The following NME7 variants were observed in gnomAD, a reference collection of about 807,000 sequenced individuals.
NME7 encodes the protein NME/NM23 family member 7.
In NME7, 41 loss-of-function variants were observed where a neutral mutation model predicts 49.1. The ratio of observed to expected loss-of-function variants is 0.83; its 90% CI spans 0.65 to 1.08. The LOEUF (loss-of-function observed/expected upper bound fraction) is 1.08, where lower values mean the gene tolerates loss of function less well. Ranked by LOEUF, NME7 falls within the 50% of genes least tolerant of loss-of-function variation. The probability of loss-of-function intolerance (pLI) is 0.00; values close to 1 mark genes in which losing one functional copy is unlikely to be tolerated. For missense variants in NME7, 423 were observed against 463.4 expected, an observed-to-expected ratio of 0.91 and a Z score of 0.80; for synonymous variants, 139 against 150.6, an observed-to-expected ratio of 0.92 and a Z score of 0.56.
At chr1:169,198,834 G>A (rs184645602) in intron 10 of NME7, among the ~76,000 whole-genome samples, 9 of 152,136 alleles carry the variant, frequency 5.9e-5, no homozygotes, top group Middle Eastern at 6.8e-3. Context: ...GAATCATATT[G>A]GTATGTGAAT....
chr1:169,256,849 G>T (rs1402664297), intron 7 of NME7, among the ~76,000 whole-genome samples: 1 of 132,584 alleles, frequency 7.5e-6, no homozygotes, highest in African/African-American at 2.5e-5. Context: ...TGCTCTTGCT[G>T]GGGGGTGCCT....
Position 169,264,172 on chromosome 1 carries a change from A to G in NME7, c.754+23131T>C, listed in dbSNP as rs950655646. On this transcript the variant is annotated intron_variant, in intron 7 of 11. Coordinates refer to ENST00000367811, the MANE Select transcript of NME7 (RefSeq NM_013330.5). Reference sequence around the variant, plus strand: ...CTTAAGTACACAGACAAGTGATACTATGAAGCAACCACACAAAGAAGTCTG... The same window carrying G: ...CTTAAGTACACAGACAAGTGATACTGTGAAGCAACCACACAAAGAAGTCTG... Among the ~76,000 whole-genome samples the G allele has an allele frequency of 6.7e-5, 9 of 134,296 alleles. 2 individuals carry two copies. The highest frequency in any genetic ancestry group is 1.1e-4 in the Non-Finnish European group (6 of 57,130). The allele number at this position is 134,296 out of a possible 152,430, so 88.1% of individuals were successfully genotyped here.
intron 1 of NME7, among the ~76,000 whole-genome samples, chr1:169,355,174 A>AAT (rs1360030129): frequency 2.5e-4 from 10 of 39,916 alleles, no homozygotes; most frequent in African/African-American, 8.3e-4. Flanking sequence ...TATAATATAT[A>AAT]ATATACTATA....
chr1:169,338,275 T>C (rs1652556570), intron 1 of NME7, among the ~76,000 whole-genome samples: 1 of 152,244 alleles, frequency 6.6e-6, no homozygotes, highest in South Asian at 2.1e-4. Context: ...TTTTTTAATG[T>C]TACTTCAAGA....
rs981279583 is a variant in NME7, at chr1:169,324,496, T to C, written c.8A>G (p.His3Arg). The part of the protein sequence containing the change: MN[H>R]SERFVFIAEW... ...TGCAATGAAAACGAATCTTTCACTA[T>C]GATTCTGCAAAGAAAGACAGAAGAA... The change falls in exon 2 of 12, where the codon CAT becomes CGT. Residue 3 changes from histidine (H) to arginine (R), a missense_variant. Physicochemically the swap from His to Arg is conservative, Grantham distance 29. Transcript: ENST00000367811. 1.7e-5 allele frequency: 27 copies of C among 1,591,144 alleles called. No individual in the cohort carries two copies. The highest frequency in any genetic ancestry group is 3.3e-4 in the Middle Eastern group (2 of 6,054).
chr1:169,308,196 G>C (rs969115205), intron 4 of NME7, among the ~76,000 whole-genome samples: 2 of 152,030 alleles, frequency 1.3e-5, no homozygotes, highest in Non-Finnish European at 2.9e-5. Flanking sequence ...CATACATAAG[G>C]GAAAAATTCC....
chr1:169,264,041 G>A (rs1365915763), intron 7 of NME7, among the ~76,000 whole-genome samples: 1 of 133,350 alleles, frequency 7.5e-6, no homozygotes, highest in Admixed American at 7.4e-5. Flanking sequence ...TTTCAGACAA[G>A]AAAATGCTGA....
intron 1 of NME7, among the ~76,000 whole-genome samples, chr1:169,361,431 C>G (rs995527407): frequency 6.6e-6 from 1 of 152,174 alleles, no homozygotes; most frequent in Non-Finnish European, 1.5e-5. Context: ...ATCTTTGGAA[C>G]TGCAATTCTT....
intron 10 of NME7, among the ~76,000 whole-genome samples, chr1:169,182,227 G>C (rs1659951624): frequency 6.6e-6 from 1 of 150,560 alleles, no homozygotes; most frequent in African/African-American, 2.4e-5. Flanking sequence ...TATTAACCAG[G>C]CTAGTCTTGA....
At chr1:169,307,275 G>T (rs1651206881) in intron 4 of NME7, among the ~76,000 whole-genome samples, 1 of 152,158 alleles carries the variant, frequency 6.6e-6, no homozygotes, top group African/African-American at 2.4e-5. Context: ...TGCGGGCAAA[G>T]ATACACTCTG....
chr1:169,224,769 C>T (rs1204346703), intron 10 of NME7, among the ~76,000 whole-genome samples: 2 of 152,012 alleles, frequency 1.3e-5, no homozygotes, highest in Non-Finnish European at 2.9e-5. Context: ...TTTCCACATT[C>T]GAGGTACTCT....
At position 169,354,979 on chromosome 1, in the gene NME7, ATGTTT is replaced by A. The variant is rs1653340312; in HGVS notation, c.3+12724_3+12728del. Among the ~76,000 whole-genome samples the A allele has an allele frequency of 2.0e-4, 11 of 55,112 alleles. 3 individuals are homozygous for A. The highest frequency in any genetic ancestry group is 3.4e-4 in the Admixed American group (1 of 2,954). The allele number at this position is 55,112 out of a possible 152,430, so 36.2% of individuals were successfully genotyped here. ...ATGTTTATATATAATATAATTATAT[ATGTTT>A]ATATATAATATAATTATATATGTTT... is the stretch of plus-strand genomic sequence containing the variant. On this transcript the variant is annotated intron_variant, in intron 1 of 11. Coordinates refer to ENST00000367811, the MANE Select transcript of NME7 (RefSeq NM_013330.5).
intron 7 of NME7, among the ~76,000 whole-genome samples, chr1:169,255,530 G>A (rs1648889697): frequency 8.0e-6 from 1 of 125,542 alleles, no homozygotes; most frequent in Non-Finnish European, 1.7e-5. Flanking sequence ...TTGCCAGTCT[G>A]TGTCTTTTAA....
intron 4 of NME7, among the ~76,000 whole-genome samples, chr1:169,309,609 G>A (rs991068023): frequency 7.2e-5 from 11 of 152,122 alleles, no homozygotes; most frequent in African/African-American, 2.7e-4. Context: ...TCCTTTATTA[G>A]AGAAATCCTT....
chr1:169,281,034 A>C (rs1213858666), intron 7 of NME7, among the ~76,000 whole-genome samples: 1 of 152,058 alleles, frequency 6.6e-6, no homozygotes, highest in Non-Finnish European at 1.5e-5. Flanking sequence ...TGAATCTATA[A>C]ATTACTTTCA....
At chr1:169,342,819 TATATATATATACAAGTACATATATATATA>T (rs1652797195) in intron 1 of NME7, among the ~76,000 whole-genome samples, 2 of 69,832 alleles carry the variant, frequency 2.9e-5, no homozygotes, top group Admixed American at 2.1e-4. Context: ...ATATATATAG[TATATATATATACAAGTACATATATATATA>T]GTATATATAT....
intron 7 of NME7, among the ~76,000 whole-genome samples, chr1:169,248,594 T>A (rs1056908329): frequency 2.0e-5 from 3 of 152,098 alleles, no homozygotes; most frequent in African/African-American, 7.2e-5. Flanking sequence ...TTATCTTCTA[T>A]AATTTTTATA....
At chr1:169,351,038 GT>G (rs1342681576) in intron 1 of NME7, among the ~76,000 whole-genome samples, 1 of 150,498 alleles carries the variant, frequency 6.6e-6, no homozygotes, top group Admixed American at 6.6e-5. Flanking sequence ...AAGAACCACA[GT>G]TTCCATTGGG....
chr1:169,286,423 C>T (rs542480977), intron 7 of NME7: 1 of 151,956 alleles, frequency 6.6e-6, no homozygotes, highest in Non-Finnish European at 1.5e-5. Flanking sequence ...ATCTTTTTAA[C>T]CATACCCCAT....
Sources: allele counts gnomAD v4.1 joint callset (sites outside exome capture counted in the v4.1 genomes callset), GRCh38; gene constraint gnomAD v4.1.1; transcripts MANE v1.5; gene names NCBI Gene and HGNC (gene_info 2026-07-23, HGNC 2026-07-21).